URM1: variants seen among roughly 807,000 people sequenced by gnomAD.
URM1 encodes the protein ubiquitin-related modifier 1.
URM1 carries 11 observed loss-of-function variants against 17.7 expected under a neutral mutation model. The observed-to-expected ratio is 0.62, with a 90% CI of 0.39 to 1.03. The LOEUF is 1.03. Ranked by LOEUF, URM1 falls within the 50% of genes least tolerant of loss-of-function variation. The probability of loss-of-function intolerance (pLI) is 0.00; values close to 1 mark genes in which losing one functional copy is unlikely to be tolerated. For missense variants in URM1, 128 were observed against 129.2 expected, an observed-to-expected ratio of 0.99 and a Z score of 0.04; for synonymous variants, 48 against 50.6, an observed-to-expected ratio of 0.95 and a Z score of 0.22.
rs1833266693 is a variant in URM1, at chr9:128,389,006, C to T, written c.189-255C>T. ...AACCTGATACTCAGAAACAAAATGACCTGCCCATGGTCTGGGTGGTGGTGC... is the reference window on the plus strand; with the variant it reads ...AACCTGATACTCAGAAACAAAATGATCTGCCCATGGTCTGGGTGGTGGTGC... On this transcript the variant is annotated intron_variant, in intron 3 of 4. Coordinates refer to ENST00000372853, the MANE Select transcript of URM1 (RefSeq NM_030914.4). 3.1e-6 allele frequency: 4 copies of T among 1,304,448 alleles called. No homozygotes were observed. The Admixed American group carries it at 1.5e-4, about 47-fold the overall frequency. 80.8% of individuals were successfully genotyped at this position (1,304,448 alleles called of 1,614,324 possible). A position where few individuals can be genotyped will look rare whatever the true frequency, so the allele number is the denominator to read the frequency against.
At chr9:128,380,091 G>A (rs111871573) in intron 2 of URM1, among the ~76,000 whole-genome samples, 4 of 152,052 alleles carry the variant, frequency 2.6e-5, no homozygotes, top group African/African-American at 9.7e-5. Context: ...CAGCCTGGGT[G>A]CCAGAGTGAG....
chr9:128,387,880 C>T lies in URM1; in HGVS notation c.171C>T (p.Phe57=), dbSNP rs1833249087. The part of the protein sequence containing the change: ...KNLLKERPEL[F]IQGDSVRPGI... ...TGCTAAAAGAGCGGCCAGAGTTGTT[C>T]ATCCAGGGAGACAGCGTGTGAGTCC... Residue 57 remains phenylalanine, a synonymous_variant, in exon 3 of 5, where the codon TTC becomes TTT. Transcript: ENST00000372853. The surrounding 1 kb of genome is among the most constrained non-coding windows in gnomAD (Gnocchi z 4.3). 1 of 1,613,938 alleles carries T rather than the reference C, an allele frequency of 6.2e-7. No homozygotes were observed. The highest frequency in any genetic ancestry group is 1.3e-5 in the African/African-American group (1 of 74,900).
At chr9:128,381,843 C>A (rs570155862) in intron 2 of URM1, among the ~76,000 whole-genome samples, 2 of 152,378 alleles carry the variant, frequency 1.3e-5, no homozygotes, top group African/African-American at 4.8e-5. Context: ...GCCACTAACC[C>A]ATCACCGTCT....
chr9:128,377,682 TA>T (rs1564410149), intron 1 of URM1, among the ~76,000 whole-genome samples: 1 of 152,022 alleles, frequency 6.6e-6, no homozygotes, highest in African/African-American at 2.4e-5. Flanking sequence ...AAAATAAAAT[TA>T]AATATAAACA....
intron 1 of URM1, 46 bp downstream of exon 1, chr9:128,371,461 G>A (rs777622756): frequency 6.3e-7 from 1 of 1,599,084 alleles, no homozygotes; most frequent in African/African-American, 1.3e-5. Flanking sequence ...TGAAGTCGTC[G>A]GGCCCAGAAT....
chr9:128,371,568 C>T (rs1427796521), intron 1 of URM1, among the ~76,000 whole-genome samples, 153 bp downstream of exon 1: 2 of 152,226 alleles, frequency 1.3e-5, no homozygotes, highest in Admixed American at 6.5e-5. Flanking sequence ...GTCTGAGAGG[C>T]CAGTCTCTCT....
chr9:128,377,583 T>C (rs1833094486), intron 1 of URM1, among the ~76,000 whole-genome samples: 1 of 152,230 alleles, frequency 6.6e-6, no homozygotes, highest in African/African-American at 2.4e-5. Flanking sequence ...GGCACGAGAA[T>C]CACTTGAACC....
intron 3 of URM1, 42 bp from the exon 4 acceptor site, chr9:128,389,219 C>G (rs776966806): frequency 1.3e-6 from 2 of 1,563,250 alleles, no homozygotes; most frequent in African/African-American, 2.7e-5. Context: ...CTACTGCCTC[C>G]TGCCTCTCAC....
chr9:128,381,191 T>C (rs948313116), intron 2 of URM1, among the ~76,000 whole-genome samples: 2 of 152,248 alleles, frequency 1.3e-5, no homozygotes, highest in African/African-American at 2.4e-5. Flanking sequence ...GCCATCACTG[T>C]ACTAAGTTAC....
intron 1 of URM1, among the ~76,000 whole-genome samples, chr9:128,374,033 T>TG (rs1206759350): frequency 1.3e-5 from 2 of 151,720 alleles, no homozygotes; most frequent in African/African-American, 2.4e-5. Flanking sequence ...CACCAAGAAT[T>TG]GGGGGGGTTG....
intron 2 of URM1, among the ~76,000 whole-genome samples, 159 bp downstream of exon 2, chr9:128,378,265 C>T (rs1045836927): frequency 1.3e-5 from 2 of 151,770 alleles, no homozygotes; most frequent in African/African-American, 4.8e-5. Context: ...ACGGCTGGGC[C>T]GGGTGGCTCA....
At chr9:128,389,394 A>G (rs1833273886) in intron 4 of URM1, 85 bp downstream of exon 4, 2 of 1,612,954 alleles carry the variant, frequency 1.2e-6, no homozygotes, top group Non-Finnish European at 1.7e-6. Flanking sequence ...TCAGGCACAT[A>G]TAGAGTGGCT....
At chr9:128,376,301 G>T (rs1833076049) in intron 1 of URM1, among the ~76,000 whole-genome samples, 2 of 152,122 alleles carry the variant, frequency 1.3e-5, no homozygotes, top group Non-Finnish European at 2.9e-5. Context: ...GGTTAAGGTT[G>T]TATCAAGCTG....
chr9:128,387,957 C>T lies in URM1; in HGVS notation c.188+60C>T. 6.2e-7 allele frequency: 1 copy of T among 1,608,918 alleles called. No homozygotes were observed. The highest frequency in any genetic ancestry group is 8.5e-7 in the Non-Finnish European group (1 of 1,177,734). ...GAGGGAGGGACGGATATTTGAGCCC[C>T]CACCCTCGGGTTCAGTCCTGGCCTT... On this transcript the variant is annotated intron_variant, in intron 3 of 4. Transcript: ENST00000372853. This position sits in a 1 kb window ranked among gnomAD's most constrained non-coding sequence, Gnocchi z 4.3.
At chr9:128,374,152 C>T (rs1833047635) in intron 1 of URM1, among the ~76,000 whole-genome samples, 1 of 152,190 alleles carries the variant, frequency 6.6e-6, no homozygotes, top group Non-Finnish European at 1.5e-5. Flanking sequence ...GTCTGCCTCC[C>T]TGAATCACTC....
chr9:128,389,360 A>C (rs760160488), intron 4 of URM1, 51 bp downstream of exon 4: 69 of 1,613,670 alleles, frequency 4.3e-5, no homozygotes, highest in Non-Finnish European at 5.7e-5. Flanking sequence ...TTGCTGCTTC[A>C]GTGGGAAAGC....
chr9:128,377,154 G>A (rs1294612875), intron 1 of URM1, among the ~76,000 whole-genome samples: 1 of 152,244 alleles, frequency 6.6e-6, no homozygotes, highest in East Asian at 1.9e-4. Context: ...TTCCAGGTGT[G>A]AGCCACCACA....
intron 1 of URM1, among the ~76,000 whole-genome samples, chr9:128,375,130 A>C (rs1476865629): frequency 6.6e-6 from 1 of 152,212 alleles, no homozygotes; most frequent in African/African-American, 2.4e-5. Context: ...TGAGCAAATA[A>C]TATCTACCTC....
intron 2 of URM1, among the ~76,000 whole-genome samples, chr9:128,382,832 A>G (rs965964388): frequency 1.3e-5 from 2 of 152,234 alleles, no homozygotes; most frequent in African/African-American, 4.8e-5. Flanking sequence ...CTTAACAGCC[A>G]TCTCGCTGAA....
Sources: allele counts gnomAD v4.1 joint callset (sites outside exome capture counted in the v4.1 genomes callset), GRCh38; gene constraint gnomAD v4.1.1; non-coding constraint Gnocchi (gnomAD v3.1); transcripts MANE v1.5; gene names NCBI Gene and HGNC (gene_info 2026-07-23, HGNC 2026-07-21).